TMTC4: variants seen among roughly 807,000 people sequenced by gnomAD.
The protein encoded by TMTC4 is transmembrane O-mannosyltransferase targeting cadherins 4.
In TMTC4, 65 loss-of-function variants were observed where a neutral mutation model predicts 86.0. That is an observed-to-expected ratio of 0.76 (90% CI 0.62 to 0.93). TMTC4 has a LOEUF of 0.93. TMTC4 is among the 40% of genes least tolerant of loss of function. The pLI is 0.00. For synonymous variants in TMTC4, 379 were observed against 382.5 expected, an observed-to-expected ratio of 0.99 and a Z score of 0.11; for missense variants, 866 against 948.1, an observed-to-expected ratio of 0.91 and a Z score of 1.14.
intron 1 of TMTC4, chr13:100,673,257 C>A: frequency 1.1e-6 from 1 of 951,348 alleles, no homozygotes; most frequent in Non-Finnish European, 1.3e-6. Context: ...CATGAGGGCC[C>A]AATGACAGCT....
chr13:100,655,740 G>A (rs1403747167), intron 6 of TMTC4, among the ~76,000 whole-genome samples: 1 of 152,078 alleles, frequency 6.6e-6, no homozygotes, highest in African/African-American at 2.4e-5. Context: ...TCAGAAAACC[G>A]ATGAGCGATG....
chr13:100,635,267 A>T (rs1882063822), intron 10 of TMTC4, 72 bp from the exon 11 acceptor site: 1 of 1,403,562 alleles, frequency 7.1e-7, no homozygotes, highest in Non-Finnish European at 9.5e-7. Flanking sequence ...ACTCCACATT[A>T]AATTAATGCT....
At chr13:100,626,238 G>T in intron 12 of TMTC4, 88 bp from the exon 13 acceptor site, 1 of 1,387,536 alleles carries the variant, frequency 7.2e-7, no homozygotes, top group Non-Finnish European at 1.0e-6. Context: ...GAAGACAAAA[G>T]GTAAAGCGAC....
chr13:100,673,761 T>C (rs1021326476), intron 1 of TMTC4, among the ~76,000 whole-genome samples: 2 of 152,196 alleles, frequency 1.3e-5, no homozygotes, highest in Non-Finnish European at 2.9e-5. Context: ...GTTTCCAGTT[T>C]GCTAGCTTGT....
chr13:100,672,242 G>A (rs1887205176), intron 1 of TMTC4, among the ~76,000 whole-genome samples: 1 of 152,248 alleles, frequency 6.6e-6, no homozygotes, highest in Admixed American at 6.5e-5. Flanking sequence ...GCCAGCAGTA[G>A]CCCATCGGGT....
At chr13:100,628,243 C>T (rs988941983) in intron 12 of TMTC4, among the ~76,000 whole-genome samples, 5 of 152,290 alleles carry the variant, frequency 3.3e-5, no homozygotes, top group East Asian at 1.9e-4. Context: ...ATTCATTTTC[C>T]GTCTCTATGC....
chr13:100,642,183 C>G, intron 7 of TMTC4, 28 bp downstream of exon 7: 2 of 1,610,716 alleles, frequency 1.2e-6, no homozygotes, highest in Non-Finnish European at 1.7e-6. Context: ...ACAGAAAAAG[C>G]AGGCCCCAGC....
intron 6 of TMTC4, 77 bp downstream of exon 6, chr13:100,656,304 C>A (rs1038516162): frequency 3.1e-6 from 4 of 1,279,196 alleles, no homozygotes; most frequent in African/African-American, 3.0e-5. Context: ...GGATTCTTTC[C>A]CGTATGTTAA....
intron 3 of TMTC4, among the ~76,000 whole-genome samples, chr13:100,667,265 C>T (rs2001637): frequency 0.91 from 138,749 of 152,122 alleles, 64,676 homozygotes; most frequent in East Asian, 1. Flanking sequence ...AAACCCCATC[C>T]CTACTAAAAA....
At chr13:100,637,778 A>G (rs900353776) in intron 8 of TMTC4, 76 bp from the exon 9 acceptor site, 3 of 1,577,038 alleles carry the variant, frequency 1.9e-6, no homozygotes, top group Middle Eastern at 1.7e-4. Flanking sequence ...ACAGATGTGC[A>G]GCAATTCTGC....
Position 100,605,414 on chromosome 13 carries a change from G to GT in TMTC4, c.2135-273_2135-272insA, listed in dbSNP as rs1566550073. Among the ~76,000 whole-genome samples, 1 of 152,146 alleles carries GT rather than the reference G, an allele frequency of 6.6e-6. No individual in the cohort carries two copies. The highest frequency in any genetic ancestry group is 2.4e-5 in the African/African-American group (1 of 41,444). The stretch of plus-strand genomic sequence containing the variant: ...ACATTATTACATAAAGAAGCAAAAA[G>GT]AAGAGTACATGCAATGTCTTAGTGC... On this transcript the variant is annotated intron_variant, in intron 18 of 18. Transcript: ENST00000342624. This position sits in a 1 kb window ranked among gnomAD's most constrained non-coding sequence, Gnocchi z 4.3.
intron 15 of TMTC4, among the ~76,000 whole-genome samples, chr13:100,621,970 T>C (rs1344909019): frequency 1.3e-5 from 2 of 152,282 alleles, no homozygotes; most frequent in East Asian, 3.9e-4. Flanking sequence ...CGTAACATTA[T>C]GTTGAGGTTT....
At chr13:100,662,095 G>T (rs988437072) in intron 5 of TMTC4, among the ~76,000 whole-genome samples, 1 of 151,910 alleles carries the variant, frequency 6.6e-6, no homozygotes, top group African/African-American at 2.4e-5. Flanking sequence ...ATGGGATGGA[G>T]ATGCAGCCTC....
At chr13:100,609,034 G>C (rs922755467) in intron 17 of TMTC4, among the ~76,000 whole-genome samples, 1 of 152,122 alleles carries the variant, frequency 6.6e-6, no homozygotes, top group Non-Finnish European at 1.5e-5. Flanking sequence ...CTGTGCCTCC[G>C]CTAGAATAGG....
At chr13:100,637,449 AGAG>A in intron 9 of TMTC4, 86 bp downstream of exon 9, 1 of 1,496,598 alleles carries the variant, frequency 6.7e-7, no homozygotes. Flanking sequence ...GTTGGCGTGC[AGAG>A]GAGTGAGACG....
At chr13:100,610,429 A>G (rs2153022320) in intron 17 of TMTC4, among the ~76,000 whole-genome samples, 1 of 152,356 alleles carries the variant, frequency 6.6e-6, no homozygotes, top group South Asian at 2.1e-4. Context: ...CTAAAAAAAT[A>G]CATGGAATGC....
chr13:100,620,104 C>T (rs1179017822), intron 15 of TMTC4, among the ~76,000 whole-genome samples: 1 of 152,238 alleles, frequency 6.6e-6, no homozygotes, highest in Non-Finnish European at 1.5e-5. Flanking sequence ...TTAACCAGAA[C>T]TGCTCATCCA....
Position 100,670,418 on chromosome 13 carries a change from C to A in TMTC4, c.-56G>T. ...CAGAAGGAGGCTCAGATTTACAATC[C>A]AGAGATGAAACAGGCCGCAACTCTT... On this transcript the variant is annotated 5_prime_UTR_variant, in exon 2 of 19. The change creates a premature stop within an existing upstream ORF in the 5' untranslated region. Transcript: ENST00000342624. 1 of 1,585,358 alleles carries A rather than the reference C, an allele frequency of 6.3e-7. No homozygotes were observed. The highest frequency in any genetic ancestry group is 1.2e-5 in the South Asian group (1 of 86,088).
At chr13:100,621,565 A>C (rs1384981125) in intron 15 of TMTC4, among the ~76,000 whole-genome samples, 1 of 152,104 alleles carries the variant, frequency 6.6e-6, no homozygotes. Flanking sequence ...AGCTGGGACT[A>C]TAGGCGCCTG....
Sources: gnomAD v4.1 joint callset for allele counts (sites outside exome capture counted in the v4.1 genomes callset) on GRCh38, gnomAD v4.1.1 for gene constraint, Gnocchi (gnomAD v3.1) non-coding constraint, MANE v1.5 for transcripts, NCBI Gene and HGNC (gene_info 2026-07-23, HGNC 2026-07-21) for gene names.